DOK6: variants seen among roughly 807,000 people sequenced by gnomAD.
DOK6 encodes the protein docking protein 6, also known as downstream of tyrosine kinase 6.
A neutral mutation model predicts 44.0 loss-of-function variants in DOK6; 22 were observed. The ratio of observed to expected loss-of-function variants is 0.50; its 90% CI spans 0.36 to 0.71. DOK6 has a LOEUF of 0.71. Ranked by LOEUF, DOK6 falls within the 30% of genes least tolerant of loss-of-function variation. The probability of loss-of-function intolerance (pLI) is 0.00; values close to 1 mark genes in which losing one functional copy is unlikely to be tolerated. For synonymous variants in DOK6, 166 were observed against 145.5 expected (o/e 1.14, Z -1.01); for missense variants, 340 against 416.4 (o/e 0.82, Z 1.60).
chr18:69,712,124 A>G (rs1005411094), intron 5 of DOK6, among the ~76,000 whole-genome samples: 1 of 149,758 alleles, frequency 6.7e-6, no homozygotes, highest in East Asian at 2.0e-4. Context: ...TACTAAAAAT[A>G]CAAAAAATTA....
At chr18:69,575,289 G>T (rs1349912047) in intron 2 of DOK6, among the ~76,000 whole-genome samples, 1 of 151,988 alleles carries the variant, frequency 6.6e-6, no homozygotes, top group Non-Finnish European at 1.5e-5. Flanking sequence ...CCTTGGCATG[G>T]TATGAGGCAT....
chr18:69,796,771 G>A (rs545789935), intron 7 of DOK6, among the ~76,000 whole-genome samples: 3 of 148,270 alleles, frequency 2.0e-5, no homozygotes, highest in Non-Finnish European at 4.4e-5. Flanking sequence ...GAAGCCAGCT[G>A]CAGGACTCTG....
At chr18:69,719,375 T>C (rs909439258) in intron 5 of DOK6, among the ~76,000 whole-genome samples, 1 of 152,168 alleles carries the variant, frequency 6.6e-6, no homozygotes, top group African/African-American at 2.4e-5. Flanking sequence ...GTGGAATCAG[T>C]TGGTCTGTCC....
intron 7 of DOK6, among the ~76,000 whole-genome samples, chr18:69,768,332 A>C (rs1979782288): frequency 6.6e-6 from 1 of 152,074 alleles, no homozygotes. Context: ...ACACAAACAC[A>C]TATATACACA....
chr18:69,507,570 ACAT>A (rs1166256663), intron 1 of DOK6, among the ~76,000 whole-genome samples: 4 of 152,080 alleles, frequency 2.6e-5, no homozygotes, highest in African/African-American at 4.8e-5. Context: ...TCTTTCATCA[ACAT>A]TTTATAGATT....
chr18:69,496,085 T>C (rs1980878844), intron 1 of DOK6, among the ~76,000 whole-genome samples: 1 of 152,182 alleles, frequency 6.6e-6, no homozygotes, highest in African/African-American at 2.4e-5. Flanking sequence ...TCCTGCCTGC[T>C]CTGTGGGCTA....
At chr18:69,709,271 C>T (rs578150595) in intron 5 of DOK6, among the ~76,000 whole-genome samples, 2 of 152,170 alleles carry the variant, frequency 1.3e-5, no homozygotes, top group South Asian at 4.2e-4. Context: ...GAATGGAGTC[C>T]TGAAACTATT....
chr18:69,561,514 A>C (rs931365135), intron 1 of DOK6, among the ~76,000 whole-genome samples: 1 of 152,102 alleles, frequency 6.6e-6, no homozygotes, highest in Non-Finnish European at 1.5e-5. Context: ...GTGGATAAGT[A>C]AGGGGCCAAA....
chr18:69,693,938 A>G (rs957371205), intron 4 of DOK6, among the ~76,000 whole-genome samples: 3 of 151,616 alleles, frequency 2.0e-5, no homozygotes, highest in South Asian at 2.1e-4. Context: ...GGGCGCCTGT[A>G]GTCCCAGCTA....
At chr18:69,732,678 G>C (rs1262151656) in intron 5 of DOK6, among the ~76,000 whole-genome samples, 1 of 152,154 alleles carries the variant, frequency 6.6e-6, no homozygotes, top group East Asian at 1.9e-4. Flanking sequence ...GATTGTAATT[G>C]TGCCATCACT....
In DOK6 at chr18:69,842,541, C is replaced by T. The variant is rs959418963; in HGVS notation, c.*1158C>T. On this transcript the variant is annotated 3_prime_UTR_variant, in exon 8 of 8. Coordinates refer to ENST00000382713, the MANE Select transcript of DOK6 (RefSeq NM_152721.6). ...CATAGATGCTGTTCTCACACAACCACTGGGGGCTTGTAATTTACTGTGTAA... is the reference window on the plus strand; with the variant it reads ...CATAGATGCTGTTCTCACACAACCATTGGGGGCTTGTAATTTACTGTGTAA... The T allele has an allele frequency of 6.6e-6, 1 of 152,202 alleles. No individual in the cohort carries two copies. Among genetic ancestry groups the T allele is most frequent in the Non-Finnish European group, 1.5e-5 (1 of 68,040 alleles). 9.4% of individuals were successfully genotyped at this position (152,202 alleles called of 1,614,324 possible).
chr18:69,498,305 T>A (rs1980951178), intron 1 of DOK6, among the ~76,000 whole-genome samples: 1 of 152,164 alleles, frequency 6.6e-6, no homozygotes, highest in Non-Finnish European at 1.5e-5. Context: ...CTTTGTAGTA[T>A]TGAAACAAAA....
intron 7 of DOK6, among the ~76,000 whole-genome samples, chr18:69,828,288 T>C (rs1174469653): frequency 6.6e-6 from 1 of 151,882 alleles, no homozygotes; most frequent in African/African-American, 2.4e-5. Flanking sequence ...CCAGTCTTTA[T>C]ATAATGTTTT....
chr18:69,467,446 C>T (rs960212104), intron 1 of DOK6, among the ~76,000 whole-genome samples: 1 of 151,986 alleles, frequency 6.6e-6, no homozygotes, highest in African/African-American at 2.4e-5. Flanking sequence ...GGAATATAGT[C>T]CTATACTATA....
intron 1 of DOK6, among the ~76,000 whole-genome samples, chr18:69,494,521 T>C (rs1185048792): frequency 6.6e-6 from 1 of 152,212 alleles, no homozygotes; most frequent in Non-Finnish European, 1.5e-5. Context: ...TAATAGCTTA[T>C]GTTTTTGAAC....
chr18:69,682,127 T>C (rs1308861209), intron 4 of DOK6, among the ~76,000 whole-genome samples: 1 of 152,208 alleles, frequency 6.6e-6, no homozygotes, highest in Non-Finnish European at 1.5e-5. Context: ...GTTGCTATGG[T>C]AAACATGCTT....
At chr18:69,741,652 A>C (rs968895835) in intron 6 of DOK6, among the ~76,000 whole-genome samples, 1 of 152,030 alleles carries the variant, frequency 6.6e-6, no homozygotes, top group Non-Finnish European at 1.5e-5. Context: ...CTGCACCACT[A>C]TTCCTAGCCA....
intron 5 of DOK6, among the ~76,000 whole-genome samples, chr18:69,699,110 C>G (rs745640380): frequency 1.3e-5 from 2 of 152,084 alleles, no homozygotes; most frequent in Non-Finnish European, 2.9e-5. Flanking sequence ...ATCCTTGATT[C>G]ACAATCATTA....
At chr18:69,535,412 T>C (rs1017015962) in intron 1 of DOK6, among the ~76,000 whole-genome samples, 2 of 152,012 alleles carry the variant, frequency 1.3e-5, no homozygotes, top group South Asian at 4.1e-4. Context: ...ATCTCTGTAA[T>C]TCTAATAATT....
Sources: gnomAD v4.1 joint callset for allele counts (sites outside exome capture counted in the v4.1 genomes callset) on GRCh38, gnomAD v4.1.1 for gene constraint, MANE v1.5 for transcripts, NCBI Gene and HGNC (gene_info 2026-07-23, HGNC 2026-07-21) for gene names.